Variants in WNT5B observed in about 807,000 individuals in gnomAD.
WNT5B encodes protein Wnt-5b.
A neutral mutation model predicts 36.5 loss-of-function variants in WNT5B; 18 were observed. That is an observed-to-expected ratio of 0.49 (90% CI 0.34 to 0.73). WNT5B has a LOEUF of 0.73. Ranked by LOEUF, WNT5B falls within the 30% of genes least tolerant of loss-of-function variation. The pLI is 0.01. For synonymous variants in WNT5B, 213 were observed against 212.3 expected (o/e 1.00, Z -0.03); for missense variants, 424 against 508.4 (o/e 0.83, Z 1.60).
At chr12:1,626,847 G>A (rs534090676), upstream of WNT5B, among the ~76,000 whole-genome samples, 1 of 152,286 alleles carries the variant, frequency 6.6e-6, no homozygotes, top group South Asian at 2.1e-4. Context: ...TTACAGTTGT[G>A]AGCCACTGCG....
At chr12:1,622,927 G>C (rs1241216944) in intron 1 of WNT5B, among the ~76,000 whole-genome samples, 1 of 152,168 alleles carries the variant, frequency 6.6e-6, no homozygotes, top group African/African-American at 2.4e-5. Flanking sequence ...CTCTTGGAAG[G>C]TGTGGCCTCA....
chr12:1,631,510 C>CCGTGTGTCA, intron 2 of WNT5B, 76 bp downstream of exon 2: 1 of 1,606,772 alleles, frequency 6.2e-7, no homozygotes, highest in South Asian at 1.1e-5. Context: ...AGGAAGGGCA[C>CCGTGTGTCA]CGTGTGTCAC....
In WNT5B at chr12:1,644,570, C is replaced by A. The variant is rs1170575726; in HGVS notation, c.622-1224C>A. 6.6e-6 allele frequency among the ~76,000 whole-genome samples: 1 copy of A among 152,216 alleles called. No individual in the cohort carries two copies. Among genetic ancestry groups the A allele is most frequent in the African/African-American group, 2.4e-5 (1 of 41,448 alleles). On this transcript the variant is annotated intron_variant, in intron 4 of 4. Transcript: ENST00000397196. This position sits in a 1 kb window ranked among gnomAD's most constrained non-coding sequence, Gnocchi z 5.1. ...CTCTGCTTAGCTCTGAATAAAGACA[C>A]AATCTGGGGGCTCTTGAAAAGAAAT...
chr12:1,626,132 A>AT (rs1297561429), upstream of WNT5B, among the ~76,000 whole-genome samples: 3 of 150,590 alleles, frequency 2.0e-5, no homozygotes, highest in Non-Finnish European at 3.0e-5. Context: ...CTAACTTTAG[A>AT]TTTTTTTGTA....
chr12:1,619,943 A>G (rs1287796546), intron 1 of WNT5B, among the ~76,000 whole-genome samples: 1 of 152,250 alleles, frequency 6.6e-6, no homozygotes, highest in Non-Finnish European at 1.5e-5. Context: ...ATAAAAATAA[A>G]AAAGGTCACA....
chr12:1,635,459 C>T (rs1437236894), intron 3 of WNT5B, among the ~76,000 whole-genome samples: 1 of 152,222 alleles, frequency 6.6e-6, no homozygotes, highest in Non-Finnish European at 1.5e-5. Flanking sequence ...AGTGCAAGTG[C>T]AGCAGGCAGG....
At chr12:1,640,270 C>T (rs1054511224) in intron 4 of WNT5B, among the ~76,000 whole-genome samples, 1 of 152,100 alleles carries the variant, frequency 6.6e-6, no homozygotes, top group Non-Finnish European at 1.5e-5. Context: ...GAATTCCAGA[C>T]GTAAGGATTA....
At chr12:1,635,874 A>G (rs1281762187) in intron 3 of WNT5B, among the ~76,000 whole-genome samples, 1 of 152,154 alleles carries the variant, frequency 6.6e-6, no homozygotes, top group Admixed American at 6.5e-5. Context: ...CTATTTCACA[A>G]CTGACCAGAA....
rs984946464 is a variant in WNT5B at position 1,618,422 on chromosome 12, C to T, written c.-58+1279C>T. On this transcript the variant is annotated intron_variant, in intron 1 of 4. Coordinates refer to the WNT5B transcript ENST00000310594. The surrounding 1 kb of genome is among the most constrained non-coding windows in gnomAD (Gnocchi z 4.1). The stretch of plus-strand genomic sequence containing the variant: ...GCAATTGCACAAATAAATGTTTTTC[C>T]CCTATAGTACAATACCCCAGAACTC... 3.9e-5 allele frequency among the ~76,000 whole-genome samples: 6 copies of T among 152,014 alleles called. 1 individual carries two copies. Among genetic ancestry groups the T allele is most frequent in the South Asian group, 4.1e-4 (2 of 4,826 alleles).
At chr12:1,640,106 G>T in intron 4 of WNT5B, 130 bp downstream of exon 4, 1 of 1,102,824 alleles carries the variant, frequency 9.1e-7, no homozygotes, top group Non-Finnish European at 1.3e-6. Context: ...ACCTACGATT[G>T]CAAATTTACA....
intron 1 of WNT5B, among the ~76,000 whole-genome samples, chr12:1,624,140 A>G (rs1485058424): frequency 6.6e-6 from 1 of 152,184 alleles, no homozygotes; most frequent in Non-Finnish European, 1.5e-5. Context: ...TAATCCCAGC[A>G]CTTTGGGAGG....
rs2094547995 is a variant in WNT5B at position 1,630,302 on chromosome 12, G to T, written c.-58+931G>T. On this transcript the variant is annotated intron_variant, in intron 1 of 4. Transcript: ENST00000397196. This position sits in a 1 kb window ranked among gnomAD's most constrained non-coding sequence, Gnocchi z 5.3. Reference sequence around the variant, plus strand: ...GGCCCCGGAGGACCGCGGGGGAGCCGCAGGGGCCGTGTGTCCCGAGGCGCA... The same window carrying T: ...GGCCCCGGAGGACCGCGGGGGAGCCTCAGGGGCCGTGTGTCCCGAGGCGCA... 1.1e-6 allele frequency: 1 copy of T among 906,996 alleles called. No homozygotes were observed. The highest frequency in any genetic ancestry group is 1.3e-6 in the Non-Finnish European group (1 of 758,208). 56.2% of individuals were successfully genotyped at this position (906,996 alleles called of 1,614,324 possible). A position where few individuals can be genotyped will look rare whatever the true frequency, so the allele number is the denominator to read the frequency against.
chr12:1,626,864 C>T (rs143510614), upstream of WNT5B, among the ~76,000 whole-genome samples: 11 of 152,304 alleles, frequency 7.2e-5, no homozygotes, highest in Non-Finnish European at 1.0e-4. Flanking sequence ...TGCGCCCGGC[C>T]GCCAAATGTA....
At chr12:1,622,771 A>G (rs531465024) in intron 1 of WNT5B, among the ~76,000 whole-genome samples, 1 of 152,254 alleles carries the variant, frequency 6.6e-6, no homozygotes, top group Non-Finnish European at 1.5e-5. Flanking sequence ...TTTCCAGAGC[A>G]TATGAGGGAC....
chr12:1,625,922 C>T (rs1005151929), upstream of WNT5B, among the ~76,000 whole-genome samples: 6 of 151,764 alleles, frequency 4.0e-5, no homozygotes, highest in Non-Finnish European at 4.4e-5. Context: ...CTCAGCCTCC[C>T]GAAGCGCTAG....
chr12:1,639,169 A>G (rs751523183), intron 3 of WNT5B, among the ~76,000 whole-genome samples: 31 of 149,808 alleles, frequency 2.1e-4, no homozygotes, highest in East Asian at 4.0e-4. Flanking sequence ...ACAGAGTCTC[A>G]CTCTGTCGCC....
At chr12:1,638,997 T>A (rs1361000245) in intron 3 of WNT5B, among the ~76,000 whole-genome samples, 1 of 152,162 alleles carries the variant, frequency 6.6e-6, no homozygotes, top group Non-Finnish European at 1.5e-5. Context: ...CTCATTCTGT[T>A]CGACTCCCAT....
At chr12:1,626,699 G>C (rs974111912), upstream of WNT5B, among the ~76,000 whole-genome samples, 7 of 151,950 alleles carry the variant, frequency 4.6e-5, no homozygotes, top group Non-Finnish European at 7.4e-5. Context: ...TGAGTAGCTG[G>C]GACTACAGGC....
chr12:1,642,399 A>T (rs528792896), intron 4 of WNT5B, among the ~76,000 whole-genome samples: 1 of 152,166 alleles, frequency 6.6e-6, no homozygotes. Context: ...CTGATCTTCA[A>T]TCGGGCATTC....
Sources: gnomAD v4.1 joint callset for allele counts (sites outside exome capture counted in the v4.1 genomes callset) on GRCh38, gnomAD v4.1.1 for gene constraint, Gnocchi (gnomAD v3.1) non-coding constraint, MANE v1.5 for transcripts, NCBI Gene and HGNC (gene_info 2026-07-23, HGNC 2026-07-21) for gene names.